The following IARS1 variants were observed in gnomAD, a reference collection of about 807,000 sequenced individuals.
The protein encoded by IARS1 is isoleucyl-tRNA synthetase 1.
IARS1 carries 124 observed loss-of-function variants against 168.2 expected under a neutral mutation model. That is an observed-to-expected ratio of 0.74 (90% CI 0.64 to 0.86). The LOEUF is 0.86. IARS1 is among the 40% of genes least tolerant of loss of function. The pLI is 0.00. For synonymous variants in IARS1, 532 were observed against 529.4 expected (o/e 1.00, Z -0.07); for missense variants, 1,452 against 1,515.8 (o/e 0.96, Z 0.70).
intron 10 of IARS1, among the ~76,000 whole-genome samples, chr9:92,273,142 A>AC (rs1422773880): frequency 2.6e-5 from 4 of 151,664 alleles, no homozygotes; most frequent in African/African-American, 9.7e-5. Context: ...CAAAAAAAAA[A>AC]AAAAAAACCC....
intron 9 of IARS1, among the ~76,000 whole-genome samples, chr9:92,276,506 G>A (rs1195821330): frequency 2.0e-5 from 3 of 152,158 alleles, no homozygotes; most frequent in Non-Finnish European, 4.4e-5. Flanking sequence ...CAACGTGGGA[G>A]GAGGAAGAAG....
rs1564185174 is a variant in IARS1, at chr9:92,277,829, G to A, written c.894+34C>T. Reference sequence around the variant, plus strand: ...CCCAGCTATCAAATAATCAGATTGTGGAGAGCGCCCACAGTAGCGGTCCCT... The same window carrying A: ...CCCAGCTATCAAATAATCAGATTGTAGAGAGCGCCCACAGTAGCGGTCCCT... On this transcript the variant is annotated intron_variant, in intron 9 of 33. Coordinates refer to ENST00000443024, the MANE Select transcript of IARS1 (RefSeq NM_002161.6). 8 of 1,581,158 alleles carry A rather than the reference G, an allele frequency of 5.1e-6. No homozygotes were observed. The South Asian group carries it at 7.9e-5, about 16-fold the overall frequency.
rs567121477 is a variant in IARS1 at position 92,277,495 on chromosome 9, T to C, written c.894+368A>G. Among the ~76,000 whole-genome samples, 10 of 152,030 alleles carry C rather than the reference T, an allele frequency of 6.6e-5. No individual in the cohort carries two copies. In the East Asian group the frequency reaches 1.7e-3, roughly 26 times the overall value. On this transcript the variant is annotated intron_variant, in intron 9 of 33. Coordinates refer to ENST00000443024, the MANE Select transcript of IARS1 (RefSeq NM_002161.6). ...GAGTTCAAGACCAGCCTGGGCAGCA[T>C]AGCGAGATTCTGTCTCTACAAAAAA...
chr9:92,236,243 C>CA (rs1344604692), intron 30 of IARS1, among the ~76,000 whole-genome samples: 1 of 152,176 alleles, frequency 6.6e-6, no homozygotes, highest in Non-Finnish European at 1.5e-5. Context: ...CTTGGCCTCC[C>CA]AAAGTGCTGA....
intron 25 of IARS1, among the ~76,000 whole-genome samples, chr9:92,248,483 G>C (rs1414598261): frequency 6.6e-6 from 1 of 151,160 alleles, no homozygotes; most frequent in East Asian, 1.9e-4. Context: ...GACCAGCCCG[G>C]GCAACATGGC....
Position 92,289,363 on chromosome 9 carries a change from C to G in IARS1, c.57G>C (p.Leu19Phe). The stretch of plus-strand genomic sequence containing the variant: ...AACAATTAAATTCAGTCCAAAACTC[C>G]AAGATTTTCTCTTCTTCAGCAGGAA... ...INFPAEEEKI[L>F]EFWTEFNCFQ... The change falls in exon 2 of 34, where the codon TTG (leucine) becomes TTC (phenylalanine). Residue 19 changes from leucine (L) to phenylalanine (F), a missense_variant. Transcript: ENST00000443024. 1.3e-6 allele frequency: 2 copies of G among 1,597,852 alleles called. No individual in the cohort carries two copies.
rs540124028 is a variant in IARS1, at chr9:92,284,321, T to C, written c.597+1401A>G. Among the ~76,000 whole-genome samples the C allele has an allele frequency of 6.6e-5, 10 of 152,336 alleles. No homozygotes were observed. In the South Asian group the frequency reaches 2.1e-3, roughly 32 times the overall value. On this transcript the variant is annotated intron_variant, in intron 6 of 33. Transcript: ENST00000443024. ...TATTTCTTGATGAAATAATATGATATCTGGAATTTGTTTCAGAATTGGAAG... is the reference window on the plus strand; with the variant it reads ...TATTTCTTGATGAAATAATATGATACCTGGAATTTGTTTCAGAATTGGAAG...
intron 1 of IARS1, among the ~76,000 whole-genome samples, chr9:92,291,982 A>G (rs1210074286): frequency 2.0e-5 from 3 of 151,970 alleles, no homozygotes; most frequent in Admixed American, 2.0e-4. Flanking sequence ...TTTTGAGAAA[A>G]TAAGATTTAA....
chr9:92,244,633 T>A (rs1379837051), intron 27 of IARS1, among the ~76,000 whole-genome samples: 1 of 152,180 alleles, frequency 6.6e-6, no homozygotes, highest in Non-Finnish European at 1.5e-5. Flanking sequence ...AGATAACTTA[T>A]CAGGTAGAAT....
At chr9:92,263,437 C>T (rs763299374) in intron 16 of IARS1, among the ~76,000 whole-genome samples, 16 of 152,122 alleles carry the variant, frequency 1.1e-4, no homozygotes, top group Non-Finnish European at 1.8e-4. Flanking sequence ...ACAAAAGATG[C>T]AAAATGCACT....
intron 31 of IARS1, among the ~76,000 whole-genome samples, chr9:92,228,287 C>A (rs188921465): frequency 2.0e-5 from 3 of 150,356 alleles, no homozygotes; most frequent in Non-Finnish European, 3.0e-5. Flanking sequence ...AGGACATAAT[C>A]TTTTTTTTTT....
chr9:92,241,324 G>C (rs1828365034), intron 29 of IARS1, among the ~76,000 whole-genome samples: 1 of 152,080 alleles, frequency 6.6e-6, no homozygotes, highest in South Asian at 2.1e-4. Flanking sequence ...GATTAAGCAA[G>C]TGACTGAGGT....
At position 92,256,341 on chromosome 9, in the gene IARS1, C is replaced by CT. The variant is rs770667744; in HGVS notation, c.2137+338dup. ...GGCGCCCGCCTCCATGGCCAGCTAACTTTTTTTTTTTTTTTAAATATATTT... is the reference window on the plus strand; with the variant it reads ...GGCGCCCGCCTCCATGGCCAGCTAACTTTTTTTTTTTTTTTTAAATATATTT... On this transcript the variant is annotated intron_variant, in intron 20 of 33. Transcript: ENST00000443024. 1.7e-3 allele frequency: 250 copies of CT among 144,382 alleles called. 1 individual carries two copies. The highest frequency in any genetic ancestry group is 2.2e-3 in the East Asian group (11 of 5,020). The allele number at this position is 144,382 out of a possible 1,614,324, so 8.9% of individuals were successfully genotyped here.
intron 3 of IARS1, 84 bp downstream of exon 3, chr9:92,288,041 TC>T: frequency 6.6e-7 from 1 of 1,522,940 alleles, no homozygotes; most frequent in African/African-American, 1.4e-5. Context: ...CAGTCAACGT[TC>T]ATCATACTTG....
intron 31 of IARS1, among the ~76,000 whole-genome samples, chr9:92,226,352 T>G (rs1825673935): frequency 6.6e-6 from 1 of 152,218 alleles, no homozygotes; most frequent in South Asian, 2.1e-4. Context: ...TTTTTGCCAA[T>G]CTGGTGGCAG....
At chr9:92,260,284 G>C in intron 17 of IARS1, 50 bp from the exon 18 acceptor site, 1 of 1,132,066 alleles carries the variant, frequency 8.8e-7, no homozygotes, top group Non-Finnish European at 1.4e-6. Context: ...TATCACAGAT[G>C]ATCTTGTTTT....
intron 33 of IARS1, among the ~76,000 whole-genome samples, chr9:92,216,277 A>C (rs1838671599): frequency 6.6e-6 from 1 of 150,550 alleles, no homozygotes; most frequent in Admixed American, 6.6e-5. Flanking sequence ...AGGAAGCGCT[A>C]AACATGGAAA....
At chr9:92,266,594 T>G (rs976161529) in intron 14 of IARS1, among the ~76,000 whole-genome samples, 3 of 152,242 alleles carry the variant, frequency 2.0e-5, no homozygotes, top group African/African-American at 2.4e-5. Context: ...TATTGACAGA[T>G]GGAGCCCGAT....
chr9:92,246,159 A>G (rs146988806), intron 26 of IARS1, among the ~76,000 whole-genome samples: 748 of 152,262 alleles, frequency 4.9e-3, no homozygotes, highest in Non-Finnish European at 8.6e-3. Context: ...TGTTATTTTA[A>G]TATTTTGAGT....
Sources: allele counts gnomAD v4.1 joint callset (sites outside exome capture counted in the v4.1 genomes callset), GRCh38; gene constraint gnomAD v4.1.1; transcripts MANE v1.5; gene names NCBI Gene and HGNC (gene_info 2026-07-23, HGNC 2026-07-21).